The following TENM3 variants were observed in gnomAD, a reference collection of about 807,000 sequenced individuals.
The protein encoded by TENM3 is teneurin-3.
A neutral mutation model predicts 255.1 loss-of-function variants in TENM3; 63 were observed. The ratio of observed to expected loss-of-function variants is 0.25; its 90% CI spans 0.20 to 0.30. TENM3 has a LOEUF of 0.30. TENM3 is among the 10% of genes least tolerant of loss of function. The pLI is 1.00. For missense variants in TENM3, 2,929 were observed against 3,461.1 expected, an observed-to-expected ratio of 0.85 and a Z score of 3.86; for synonymous variants, 1,306 against 1,322.3, an observed-to-expected ratio of 0.99 and a Z score of 0.27.
chr4:181,888,277 C>T, the TENM3 span, among the ~76,000 whole-genome samples: 40 of 151,388 alleles, frequency 2.6e-4, no homozygotes, highest in Admixed American at 1.4e-3. Flanking sequence ...GTGATCCACC[C>T]GCTTCGGCCT....
At chr4:182,595,739 G>C (rs1514481) in intron 3 of TENM3, among the ~76,000 whole-genome samples, 50,365 of 151,740 alleles carry the variant, frequency 0.33, 9,676 homozygotes, top group East Asian at 0.46. Context: ...CAGAAAGATA[G>C]AGAGGAATAT....
At chr4:182,759,713 T>C (rs1014372498) in intron 22 of TENM3, among the ~76,000 whole-genome samples, 1 of 152,232 alleles carries the variant, frequency 6.6e-6, no homozygotes, top group African/African-American at 2.4e-5. Context: ...GGAAGAATTC[T>C]AGGAGAAGAA....
At chr4:181,766,870 G>T in the TENM3 span, among the ~76,000 whole-genome samples, 2 of 151,816 alleles carry the variant, frequency 1.3e-5, no homozygotes, top group Non-Finnish European at 2.9e-5. Context: ...AAGCAGAAGA[G>T]AATTGTTAAC....
intron 3 of TENM3, among the ~76,000 whole-genome samples, chr4:182,594,683 GGTGTGTGTGTGTGTGTGTGTGTGT>G (rs67667219): frequency 2.0e-4 from 27 of 138,248 alleles, no homozygotes; most frequent in Non-Finnish European, 2.9e-4. Flanking sequence ...TTTTTGTTTT[GGTGTGTGTGTGTGTGTGTGTGTGT>G]GTGTGTGTGT....
chr4:182,371,167 A>G (rs1411275754), intron 3 of TENM3, among the ~76,000 whole-genome samples: 1 of 151,082 alleles, frequency 6.6e-6, no homozygotes, highest in African/African-American at 2.4e-5. Flanking sequence ...TTATTCACTG[A>G]GCTTTTTCCC....
the TENM3 span, among the ~76,000 whole-genome samples, chr4:181,768,322 T>A: frequency 6.6e-6 from 1 of 152,134 alleles, no homozygotes; most frequent in Non-Finnish European, 1.5e-5. Flanking sequence ...CGCTAACTGG[T>A]CTAAAATTCA....
chr4:181,595,663 C>A, the TENM3 span, among the ~76,000 whole-genome samples: 2 of 152,198 alleles, frequency 1.3e-5, no homozygotes, highest in African/African-American at 2.4e-5. Flanking sequence ...TGGTTTAAAA[C>A]GCCCTACAAG....
chr4:181,754,525 G>T, the TENM3 span, among the ~76,000 whole-genome samples: 1 of 152,256 alleles, frequency 6.6e-6, no homozygotes, highest in Non-Finnish European at 1.5e-5. Flanking sequence ...CAAAAGATGG[G>T]TAATATCTCA....
In TENM3 at chr4:182,272,254, T is replaced by C. The variant is rs141727590; in HGVS notation, c.-76+28778T>C. On this transcript the variant is annotated intron_variant, in intron 1 of 27. Transcript: ENST00000511685. ...TTAATCTCAATCCTCCACACTGTAA[T>C]TCAGCCAAGAATTAGTAAGCAAGCA... Among the ~76,000 whole-genome samples, 77 of 152,326 alleles carry C rather than the reference T, an allele frequency of 5.1e-4. 3 individuals carry two copies. The East Asian group carries it at 0.014, about 29-fold the overall frequency.
chr4:181,911,054 G>T, the TENM3 span, among the ~76,000 whole-genome samples: 1 of 152,100 alleles, frequency 6.6e-6, no homozygotes, highest in Non-Finnish European at 1.5e-5. Context: ...TTTATTTGTA[G>T]CTTATTTTAT....
chr4:181,969,196 A>G, the TENM3 span, among the ~76,000 whole-genome samples: 1 of 152,178 alleles, frequency 6.6e-6, no homozygotes, highest in Non-Finnish European at 1.5e-5. Context: ...ACACGTTACA[A>G]ATGTTGACTA....
At chr4:182,260,899 G>C (rs560414540) in intron 1 of TENM3, among the ~76,000 whole-genome samples, 1 of 151,534 alleles carries the variant, frequency 6.6e-6, no homozygotes, top group Non-Finnish European at 1.5e-5. Context: ...TTTCTGAGTC[G>C]GAGACTTGCC....
At chr4:182,431,060 T>C (rs959519682) in intron 3 of TENM3, among the ~76,000 whole-genome samples, 5 of 150,890 alleles carry the variant, frequency 3.3e-5, no homozygotes, top group Admixed American at 1.3e-4. Flanking sequence ...AACAAACAAA[T>C]AAATAACTGA....
At chr4:182,778,119 T>C (rs546969253) in intron 24 of TENM3, among the ~76,000 whole-genome samples, 1 of 152,246 alleles carries the variant, frequency 6.6e-6, no homozygotes, top group South Asian at 2.1e-4. Context: ...CTGTGCTTTA[T>C]AATATTTACT....
chr4:182,308,955 G>A (rs147286851), intron 1 of TENM3, among the ~76,000 whole-genome samples: 139 of 152,266 alleles, frequency 9.1e-4, no homozygotes, highest in Middle Eastern at 6.8e-3. Flanking sequence ...CTCCGAGTAA[G>A]CACACAGACC....
chr4:182,025,563 A>G, the TENM3 span, among the ~76,000 whole-genome samples: 1 of 152,184 alleles, frequency 6.6e-6, no homozygotes, highest in Non-Finnish European at 1.5e-5. Flanking sequence ...GTTTTCATAT[A>G]GTAGCTCCAT....
At chr4:181,798,602 A>G in the TENM3 span, among the ~76,000 whole-genome samples, 3 of 152,214 alleles carry the variant, frequency 2.0e-5, no homozygotes, top group Non-Finnish European at 4.4e-5. Flanking sequence ...CCTTTTCAAC[A>G]GTCAAAAACC....
At chr4:182,011,794 G>A in the TENM3 span, among the ~76,000 whole-genome samples, 2 of 152,154 alleles carry the variant, frequency 1.3e-5, no homozygotes, top group Non-Finnish European at 2.9e-5. Context: ...GCCTGGGCAG[G>A]ATCATGACTG....
At chr4:182,357,540 CT>C (rs1181842400) in intron 3 of TENM3, among the ~76,000 whole-genome samples, 1 of 148,614 alleles carries the variant, frequency 6.7e-6, no homozygotes, top group African/African-American at 2.5e-5. Flanking sequence ...TGTTCATGTC[CT>C]TCGCCCACTT....
Sources: allele counts gnomAD v4.1 joint callset (sites outside exome capture counted in the v4.1 genomes callset), GRCh38; gene constraint gnomAD v4.1.1; transcripts MANE v1.5; gene names NCBI Gene and HGNC (gene_info 2026-07-23, HGNC 2026-07-21).